Variants in EDIL3 observed in about 807,000 individuals in gnomAD.
EDIL3 encodes EGF-like repeat and discoidin I-like domain-containing protein 3.
A neutral mutation model predicts 67.4 loss-of-function variants in EDIL3; 37 were observed. The ratio of observed to expected loss-of-function variants is 0.55; its 90% confidence interval spans 0.42 to 0.72. The LOEUF (loss-of-function observed/expected upper bound fraction) is 0.72, where lower values mean the gene tolerates loss of function less well. EDIL3 is among the 30% of genes least tolerant of loss of function. The pLI is 0.00. For synonymous variants in EDIL3, 195 were observed against 196.3 expected (o/e 0.99, Z 0.05); for missense variants, 527 against 586.3 (o/e 0.90, Z 1.04).
At chr5:84,046,035 C>T (rs1396976602) in intron 9 of EDIL3, among the ~76,000 whole-genome samples, 1 of 152,142 alleles carries the variant, frequency 6.6e-6, no homozygotes, top group Non-Finnish European at 1.5e-5. Flanking sequence ...TTCTCTAAAA[C>T]ATAATGTATG....
intron 9 of EDIL3, among the ~76,000 whole-genome samples, chr5:84,005,139 T>C (rs1745390153): frequency 6.6e-6 from 1 of 151,940 alleles, no homozygotes. Flanking sequence ...TGGAAGAAAT[T>C]GAAACCCTGA....
chr5:84,207,012 T>C (rs1035370753), intron 3 of EDIL3, among the ~76,000 whole-genome samples: 27 of 151,994 alleles, frequency 1.8e-4, no homozygotes, highest in Admixed American at 3.9e-4. Flanking sequence ...CTCTCACCAC[T>C]CCTATTCAAC....
chr5:84,380,444 A>C (rs1748052434), intron 1 of EDIL3, among the ~76,000 whole-genome samples: 1 of 152,078 alleles, frequency 6.6e-6, no homozygotes, highest in Admixed American at 6.5e-5. Flanking sequence ...AAAATTTGCT[A>C]TTTTTTACTC....
chr5:83,995,466 T>C (rs1386138119), intron 9 of EDIL3, among the ~76,000 whole-genome samples: 1 of 152,176 alleles, frequency 6.6e-6, no homozygotes, highest in African/African-American at 2.4e-5. Flanking sequence ...AGTAGAATTA[T>C]CCAGCAATAA....
intron 9 of EDIL3, among the ~76,000 whole-genome samples, chr5:83,981,996 G>C (rs1744978325): frequency 6.6e-6 from 1 of 151,864 alleles, no homozygotes; most frequent in South Asian, 2.1e-4. Context: ...AACAAAATTA[G>C]GTTTTCCAAA....
At chr5:83,949,083 G>T (rs2112114966) in intron 10 of EDIL3, among the ~76,000 whole-genome samples, 1 of 151,934 alleles carries the variant, frequency 6.6e-6, no homozygotes, top group Non-Finnish European at 1.5e-5. Context: ...AGGGGTTTCT[G>T]TTGGAGCCAG....
chr5:84,105,315 T>A (rs1549677), intron 6 of EDIL3, among the ~76,000 whole-genome samples: 113,358 of 151,878 alleles, frequency 0.75, 42,455 homozygotes, highest in Middle Eastern at 0.78. Context: ...AAATTCATAA[T>A]ACAAAACAAG....
At chr5:84,242,759 T>C (rs1202305888) in intron 2 of EDIL3, among the ~76,000 whole-genome samples, 2 of 142,924 alleles carry the variant, frequency 1.4e-5, no homozygotes, top group Non-Finnish European at 3.0e-5. Flanking sequence ...GATTGCATCA[T>C]TGCACTCCAG....
intron 4 of EDIL3, among the ~76,000 whole-genome samples, chr5:84,157,335 G>T (rs1024767910): frequency 2.6e-5 from 4 of 151,760 alleles, no homozygotes; most frequent in Admixed American, 2.0e-4. Context: ...AAAAATGGGG[G>T]ATTTACTCAA....
intron 6 of EDIL3, among the ~76,000 whole-genome samples, chr5:84,076,293 C>A (rs904168204): frequency 6.6e-6 from 1 of 152,104 alleles, no homozygotes; most frequent in Non-Finnish European, 1.5e-5. Flanking sequence ...GATGACTTAG[C>A]AACTTTTCCA....
chr5:84,003,858 A>T (rs1368049579), intron 9 of EDIL3, among the ~76,000 whole-genome samples: 1 of 152,142 alleles, frequency 6.6e-6, no homozygotes, highest in Non-Finnish European at 1.5e-5. Context: ...TAAATGTCCC[A>T]TGTCAAAGGC....
chr5:84,198,193 A>G (rs1743752870), intron 3 of EDIL3, among the ~76,000 whole-genome samples: 1 of 151,944 alleles, frequency 6.6e-6, no homozygotes, highest in Admixed American at 6.6e-5. Flanking sequence ...GAGAAAGAGG[A>G]TGATACCATT....
At chr5:84,111,496 C>T (rs966236314) in intron 5 of EDIL3, among the ~76,000 whole-genome samples, 7 of 152,152 alleles carry the variant, frequency 4.6e-5, no homozygotes, top group African/African-American at 9.7e-5. Flanking sequence ...TTTGAAAATA[C>T]GTGTTTATTG....
At chr5:84,166,796 GA>G (rs1355886422) in intron 4 of EDIL3, among the ~76,000 whole-genome samples, 3 of 152,064 alleles carry the variant, frequency 2.0e-5, no homozygotes, top group Admixed American at 2.0e-4. Flanking sequence ...GATCTAAGAA[GA>G]AAAGGAAAGG....
At chr5:84,199,645 T>A (rs1009728944) in intron 3 of EDIL3, among the ~76,000 whole-genome samples, 3 of 151,994 alleles carry the variant, frequency 2.0e-5, no homozygotes, top group African/African-American at 7.2e-5. Flanking sequence ...TTAAAAACAG[T>A]CATATTAAGG....
chr5:84,049,468 CTTCT>C (rs1180235571), intron 9 of EDIL3, among the ~76,000 whole-genome samples: 1 of 152,184 alleles, frequency 6.6e-6, no homozygotes, highest in Admixed American at 6.5e-5. Flanking sequence ...CAATTTCTGA[CTTCT>C]TTGTTTGGAA....
At chr5:84,295,150 C>G (rs1050499102) in intron 1 of EDIL3, among the ~76,000 whole-genome samples, 1 of 151,504 alleles carries the variant, frequency 6.6e-6, no homozygotes, top group Non-Finnish European at 1.5e-5. Flanking sequence ...TTTTCTATTC[C>G]CATGCTATAT....
chr5:84,149,303 A>C (rs1484175637), intron 4 of EDIL3, among the ~76,000 whole-genome samples: 1 of 152,178 alleles, frequency 6.6e-6, no homozygotes, highest in Non-Finnish European at 1.5e-5. Context: ...CTCCTGGGGA[A>C]AGAGTCATCT....
chr5:84,181,306 C>CAGCT (rs1239395432), intron 3 of EDIL3: 3 of 152,204 alleles, frequency 2.0e-5, no homozygotes, highest in African/African-American at 7.2e-5. Context: ...TGACAACATT[C>CAGCT]AGCTACTGAA....
Sources: allele counts gnomAD v4.1 joint callset (sites outside exome capture counted in the v4.1 genomes callset), GRCh38; gene constraint gnomAD v4.1.1; transcripts MANE v1.5; gene names NCBI Gene and HGNC (gene_info 2026-07-23, HGNC 2026-07-21).